The following EXOC4 variants were observed in gnomAD, a reference collection of about 807,000 sequenced individuals.
EXOC4 encodes the protein SEC8-like 1.
A neutral mutation model predicts 107.2 loss-of-function variants in EXOC4; 71 were observed. The observed-to-expected ratio is 0.66, with a 90% CI of 0.55 to 0.81. The LOEUF (loss-of-function observed/expected upper bound fraction) is 0.81. Among genes scored for constraint, EXOC4 ranks in the 30% least tolerant of loss-of-function variants. The pLI, the probability that EXOC4 is intolerant of heterozygous loss-of-function variation, is 0.00. For missense variants in EXOC4, 1,108 were observed against 1,189.6 expected, an observed-to-expected ratio of 0.93 and a Z score of 1.01; for synonymous variants, 456 against 441.2, an observed-to-expected ratio of 1.03 and a Z score of -0.42.
At chr7:133,469,930 A>G (rs1251198780) in intron 7 of EXOC4, among the ~76,000 whole-genome samples, 1 of 152,214 alleles carries the variant, frequency 6.6e-6, no homozygotes, top group Non-Finnish European at 1.5e-5. Context: ...TGTATTCCCC[A>G]ACACATTCCT....
intron 9 of EXOC4, among the ~76,000 whole-genome samples, chr7:133,600,501 G>T (rs1281635416): frequency 6.6e-6 from 1 of 152,100 alleles, no homozygotes; most frequent in Non-Finnish European, 1.5e-5. Context: ...CAATCACCTA[G>T]GTGCAGTGTA....
chr7:133,370,387 G>A (rs183211113), intron 6 of EXOC4, among the ~76,000 whole-genome samples: 11 of 152,132 alleles, frequency 7.2e-5, no homozygotes, highest in Non-Finnish European at 1.2e-4. Context: ...GGTTTCGTCC[G>A]GAAAGGTGGG....
intron 9 of EXOC4, among the ~76,000 whole-genome samples, chr7:133,538,853 AAGAAAGAGAGAGAG>A (rs1202240556): frequency 5.7e-5 from 3 of 52,854 alleles, no homozygotes; most frequent in African/African-American, 1.8e-4. Flanking sequence ...GAAAGAAAGA[AAGAAAGAGAGAGAG>A]AGAGAGAGAG....
intron 9 of EXOC4, among the ~76,000 whole-genome samples, chr7:133,611,523 A>G (rs942375259): frequency 6.6e-6 from 1 of 152,112 alleles, no homozygotes; most frequent in African/African-American, 2.4e-5. Flanking sequence ...CTTTTCCTTC[A>G]TAGGACCTAC....
chr7:133,711,564 C>A (rs1181866062), intron 10 of EXOC4, among the ~76,000 whole-genome samples: 1 of 152,168 alleles, frequency 6.6e-6, no homozygotes, highest in Non-Finnish European at 1.5e-5. Context: ...CAGACTCTGT[C>A]AATCTGGGGT....
intron 10 of EXOC4, among the ~76,000 whole-genome samples, chr7:133,661,689 CAAA>C (rs869078453): frequency 1.8e-3 from 43 of 23,678 alleles, no homozygotes; most frequent in African/African-American, 6.7e-3. Context: ...AAAAAAAAAA[CAAA>C]AAAAAAAAAA....
intron 3 of EXOC4, among the ~76,000 whole-genome samples, chr7:133,291,811 T>G (rs1180821199): frequency 2.0e-5 from 3 of 152,210 alleles, no homozygotes; most frequent in Admixed American, 1.3e-4. Context: ...GATCTAATTT[T>G]ATCTTTCTTC....
rs79971138 is a variant in EXOC4, at chr7:133,363,382, G to A, written c.1007+6809G>A. 6.4e-3 allele frequency among the ~76,000 whole-genome samples: 967 copies of A among 152,140 alleles called. 10 individuals are homozygous for A. The highest frequency in any genetic ancestry group is 0.019 in the African/African-American group (775 of 41,528). On this transcript the variant is annotated intron_variant, in intron 6 of 17. Coordinates refer to ENST00000253861, the MANE Select transcript of EXOC4 (RefSeq NM_021807.4). ...AGGTCCCAAGTCTATATACTTTCTA[G>A]TAAGACTTAAATAAATTAATGGATA... is the stretch of plus-strand genomic sequence containing the variant.
At chr7:133,420,569 G>A (rs1797581514) in intron 7 of EXOC4, among the ~76,000 whole-genome samples, 1 of 152,056 alleles carries the variant, frequency 6.6e-6, no homozygotes, top group Non-Finnish European at 1.5e-5. Context: ...GCAAGTCACA[G>A]TTCCCTCCCA....
chr7:134,061,501 A>G (rs927773807), intron 17 of EXOC4, among the ~76,000 whole-genome samples: 3 of 152,190 alleles, frequency 2.0e-5, no homozygotes, highest in East Asian at 1.9e-4. Flanking sequence ...TGCACTTTTC[A>G]TAGGCGCCCC....
chr7:133,607,813 A>G (rs1801983432), intron 9 of EXOC4, among the ~76,000 whole-genome samples: 1 of 152,212 alleles, frequency 6.6e-6, no homozygotes, highest in Admixed American at 6.5e-5. Flanking sequence ...TATGTGATAT[A>G]AAATGGACCA....
chr7:133,408,908 T>C (rs1468240796), intron 7 of EXOC4, among the ~76,000 whole-genome samples: 1 of 152,218 alleles, frequency 6.6e-6, no homozygotes, highest in Non-Finnish European at 1.5e-5. Flanking sequence ...CATATTTCAG[T>C]ATCCAACAAT....
At chr7:133,954,698 C>T (rs1414297319) in intron 14 of EXOC4, among the ~76,000 whole-genome samples, 3 of 152,212 alleles carry the variant, frequency 2.0e-5, no homozygotes, top group African/African-American at 7.2e-5. Context: ...GCTCACTTGA[C>T]CTGGCAGGCT....
At chr7:133,792,938 A>G (rs1027634287) in intron 10 of EXOC4, among the ~76,000 whole-genome samples, 7 of 152,198 alleles carry the variant, frequency 4.6e-5, no homozygotes, top group Non-Finnish European at 7.3e-5. Flanking sequence ...ATGGTGAGTC[A>G]TCCTCCCAGG....
intron 10 of EXOC4, among the ~76,000 whole-genome samples, chr7:133,672,346 G>A (rs562513767): frequency 1.9e-4 from 28 of 148,278 alleles, no homozygotes; most frequent in African/African-American, 6.2e-4. Context: ...AGCCGAGATC[G>A]CACCACTGCA....
chr7:133,780,638 G>A (rs1361703438), intron 10 of EXOC4, among the ~76,000 whole-genome samples: 1 of 152,150 alleles, frequency 6.6e-6, no homozygotes, highest in Admixed American at 6.6e-5. Context: ...GCATTACAGT[G>A]TCATAAAGAA....
In EXOC4 at chr7:133,468,315, A is replaced by C. The variant is rs187477252; in HGVS notation, c.1183-7013A>C. 3.2e-3 allele frequency among the ~76,000 whole-genome samples: 493 copies of C among 152,266 alleles called. 4 individuals carry two copies. Among genetic ancestry groups the C allele is most frequent in the African/African-American group, 0.011 (472 of 41,570 alleles). On this transcript the variant is annotated intron_variant, in intron 7 of 17. Coordinates refer to ENST00000253861, the MANE Select transcript of EXOC4 (RefSeq NM_021807.4). The stretch of plus-strand genomic sequence containing the variant: ...TGAGCAGGCATCTGCTTTATTTTCA[A>C]AATGAAGAATTTTTCCTTTCCTTTC...
At chr7:133,486,064 G>A (rs969437651) in intron 9 of EXOC4, among the ~76,000 whole-genome samples, 8 of 151,940 alleles carry the variant, frequency 5.3e-5, no homozygotes, top group Admixed American at 5.2e-4. Context: ...CTATAGCCCT[G>A]ACATTAAAAT....
chr7:133,289,761 T>G (rs754015538), intron 3 of EXOC4, among the ~76,000 whole-genome samples: 4 of 152,170 alleles, frequency 2.6e-5, no homozygotes, highest in Non-Finnish European at 4.4e-5. Flanking sequence ...TAATCCTCTT[T>G]CCCAAGGCCT....
Sources: gnomAD v4.1 joint callset for allele counts (sites outside exome capture counted in the v4.1 genomes callset) on GRCh38, gnomAD v4.1.1 for gene constraint, MANE v1.5 for transcripts, NCBI Gene and HGNC (gene_info 2026-07-23, HGNC 2026-07-21) for gene names.